TMC1: variants seen among roughly 807,000 people sequenced by gnomAD.
TMC1 encodes transmembrane channel like 1, also known as transmembrane channel-like protein 1.
TMC1 carries 84 observed loss-of-function variants against 105.8 expected under a neutral mutation model. That is an observed-to-expected ratio of 0.79 (90% confidence interval 0.67 to 0.95). The LOEUF is 0.95. Ranked by LOEUF, TMC1 falls within the 40% of genes least tolerant of loss-of-function variation. The pLI, the probability that TMC1 is intolerant of heterozygous loss-of-function variation, is 0.00. For missense variants in TMC1, 817 were observed against 914.1 expected, an observed-to-expected ratio of 0.89 and a Z score of 1.37; for synonymous variants, 315 against 311.5, an observed-to-expected ratio of 1.01 and a Z score of -0.12.
At position 72,566,539 on chromosome 9, in the gene TMC1, A is replaced by T. The variant is rs190522726; in HGVS notation, c.-427-11363A>T. Among the ~76,000 whole-genome samples the T allele has an allele frequency of 5.7e-3, 870 of 152,300 alleles. 6 individuals are homozygous for T. Among genetic ancestry groups the T allele is most frequent in the Non-Finnish European group, 7.3e-3 (494 of 68,026 alleles). On this transcript the variant is annotated intron_variant, in intron 1 of 23. Transcript: ENST00000297784. ...GTTGGAGGGAGATGGAAAATGGACC[A>T]CAGAGGTTCAGAGAACAGGCCCTTT...
In TMC1 at chr9:72,618,664, A is replaced by AT. The variant is rs553683042; in HGVS notation, c.-196+2191dup. On this transcript the variant is annotated intron_variant, in intron 3 of 23. Coordinates refer to ENST00000297784, the MANE Select transcript of TMC1 (RefSeq NM_138691.3). ...CATAAATAGTAATTTTGGTATTGTT[A>AT]TTTTAAAACAGTTATATTTATAATA... 4.4e-3 allele frequency among the ~76,000 whole-genome samples: 673 copies of AT among 152,304 alleles called. 4 individuals are homozygous for AT. Among genetic ancestry groups the AT allele is most frequent in the African/African-American group, 0.016 (645 of 41,584 alleles).
chr9:72,776,549 A>G (rs913274167), intron 13 of TMC1, among the ~76,000 whole-genome samples: 1 of 152,234 alleles, frequency 6.6e-6, no homozygotes, highest in Admixed American at 6.5e-5. Context: ...TCATTTGACT[A>G]TAAGACCTCT....
At chr9:72,667,877 C>T (rs1826068938) in intron 5 of TMC1, among the ~76,000 whole-genome samples, 1 of 152,176 alleles carries the variant, frequency 6.6e-6, no homozygotes, top group Non-Finnish European at 1.5e-5. Flanking sequence ...AACCTCTTTA[C>T]ATCTAGAGAC....
chr9:72,616,211 C>G (rs559503863), intron 2 of TMC1, 157 bp from the exon 3 acceptor site: 19 of 152,214 alleles, frequency 1.2e-4, no homozygotes, highest in African/African-American at 4.6e-4. Flanking sequence ...AATGCCGTCT[C>G]TTCACATTAT....
At chr9:72,601,645 GAACAAAACAA>G (rs1564436928) in intron 2 of TMC1, among the ~76,000 whole-genome samples, 1 of 151,832 alleles carries the variant, frequency 6.6e-6, no homozygotes, top group Non-Finnish European at 1.5e-5. Context: ...ACCCTGTCTC[GAACAAAACAA>G]AACAAAACAA....
chr9:72,772,292 G>T (rs1827940623), intron 12 of TMC1, 121 bp from the exon 13 acceptor site: 1 of 1,235,774 alleles, frequency 8.1e-7, no homozygotes, highest in East Asian at 2.3e-5. Flanking sequence ...TAGGGCTCAT[G>T]TCAGAGCTGT....
chr9:72,713,791 A>T, intron 8 of TMC1, among the ~76,000 whole-genome samples: 2 of 142,426 alleles, frequency 1.4e-5, no homozygotes, highest in Admixed American at 7.0e-5. Context: ...GCTCTTAGTT[A>T]CTTCTTGCCT....
intron 1 of TMC1, among the ~76,000 whole-genome samples, chr9:72,570,287 T>A (rs1272321027): frequency 6.6e-6 from 1 of 151,724 alleles, no homozygotes; most frequent in Non-Finnish European, 1.5e-5. Flanking sequence ...TATACAAATT[T>A]CTTTAGATTT....
intron 17 of TMC1, among the ~76,000 whole-genome samples, chr9:72,794,689 A>G (rs1181639202): frequency 1.3e-5 from 2 of 152,224 alleles, no homozygotes; most frequent in Non-Finnish European, 1.5e-5. Context: ...GAACCAATGC[A>G]AGAACTCTGG....
At chr9:72,688,946 A>C (rs1195824633) in intron 6 of TMC1, among the ~76,000 whole-genome samples, 190 bp downstream of exon 6, 1 of 152,120 alleles carries the variant, frequency 6.6e-6, no homozygotes, top group Admixed American at 6.6e-5. Context: ...AGTTGGCACT[A>C]TAAGGGCCAA....
chr9:72,819,565 C>T (rs1307240895), intron 19 of TMC1, among the ~76,000 whole-genome samples: 1 of 152,186 alleles, frequency 6.6e-6, no homozygotes, highest in African/African-American at 2.4e-5. Flanking sequence ...GGTAAAATAT[C>T]ATTCGTATCT....
rs1462868881 is a variant in TMC1 at position 72,552,996 on chromosome 9, G to T, written c.-427-24906G>T. On this transcript the variant is annotated intron_variant, in intron 1 of 23. Transcript: ENST00000297784. The stretch of plus-strand genomic sequence containing the variant: ...ATATATATAATTTTTTTTTTGAGAT[G>T]GAGTTTCCCTCTTGTTGCCCAGGCT... 3.3e-5 allele frequency among the ~76,000 whole-genome samples: 5 copies of T among 151,330 alleles called. No homozygotes were observed. The East Asian group carries it at 9.7e-4, about 29-fold the overall frequency.
At chr9:72,736,024 A>G (rs1827292660) in intron 8 of TMC1, among the ~76,000 whole-genome samples, 1 of 152,100 alleles carries the variant, frequency 6.6e-6, no homozygotes, top group South Asian at 2.1e-4. Flanking sequence ...TCTCTCAGAG[A>G]ATGAAGGAGG....
At chr9:72,776,577 T>C (rs1293310901) in intron 13 of TMC1, among the ~76,000 whole-genome samples, 1 of 152,194 alleles carries the variant, frequency 6.6e-6, no homozygotes, top group Non-Finnish European at 1.5e-5. Flanking sequence ...TAGAGTTTTC[T>C]AGTTCAAAAG....
intron 5 of TMC1, among the ~76,000 whole-genome samples, chr9:72,649,876 G>A (rs1825772387): frequency 6.6e-6 from 1 of 152,126 alleles, no homozygotes; most frequent in African/African-American, 2.4e-5. Context: ...GTGCCCAGTA[G>A]TTTTTACAAA....
At chr9:72,594,151 T>C (rs1824682977) in intron 2 of TMC1, among the ~76,000 whole-genome samples, 1 of 152,152 alleles carries the variant, frequency 6.6e-6, no homozygotes, top group African/African-American at 2.4e-5. Context: ...TATATGAGTT[T>C]TATTGATTTT....
chr9:72,820,413 G>C (rs1828847982), intron 19 of TMC1, among the ~76,000 whole-genome samples: 1 of 152,054 alleles, frequency 6.6e-6, no homozygotes, highest in African/African-American at 2.4e-5. Flanking sequence ...CAGTTTTTTT[G>C]AGTAGAAGAA....
intron 8 of TMC1, among the ~76,000 whole-genome samples, chr9:72,719,464 C>T (rs544989906): frequency 1.3e-5 from 2 of 152,228 alleles, no homozygotes; most frequent in Non-Finnish European, 2.9e-5. Flanking sequence ...CTTTAGGTTC[C>T]CCAGTGAGTG....
intron 2 of TMC1, among the ~76,000 whole-genome samples, chr9:72,606,829 G>T (rs993243396): frequency 1.3e-5 from 2 of 152,008 alleles, no homozygotes; most frequent in Non-Finnish European, 2.9e-5. Context: ...CTTACAACTT[G>T]TAACAACTTG....
Sources: gnomAD v4.1 joint callset for allele counts (sites outside exome capture counted in the v4.1 genomes callset) on GRCh38, gnomAD v4.1.1 for gene constraint, MANE v1.5 for transcripts, NCBI Gene and HGNC (gene_info 2026-07-23, HGNC 2026-07-21) for gene names.